LZTFL1: variants seen among roughly 807,000 people sequenced by gnomAD.
The protein encoded by LZTFL1 is leucine zipper transcription factor-like protein 1.
A neutral mutation model predicts 45.9 loss-of-function variants in LZTFL1; 25 were observed. The observed-to-expected ratio is 0.54, with a 90% CI of 0.40 to 0.76. LZTFL1 has a LOEUF of 0.76. Among genes scored for constraint, LZTFL1 ranks in the 30% least tolerant of loss-of-function variants. LZTFL1 has a pLI of 0.00. For synonymous variants in LZTFL1, 93 were observed against 117.4 expected (o/e 0.79, Z 1.35); for missense variants, 277 against 331.1 (o/e 0.84, Z 1.27).
At chr3:45,879,142 C>A (rs1438932748) in intron 2 of LZTFL1, among the ~76,000 whole-genome samples, 1 of 152,200 alleles carries the variant, frequency 6.6e-6, no homozygotes, top group African/African-American at 2.4e-5. Flanking sequence ...TATGATCTAG[C>A]AATCGTGCTT....
chr3:45,886,347 C>T (rs959129768), intron 2 of LZTFL1, among the ~76,000 whole-genome samples: 1 of 152,206 alleles, frequency 6.6e-6, no homozygotes, highest in East Asian at 1.9e-4. Context: ...TCTGTATGTG[C>T]GTCTTCAGAT....
At chr3:45,857,068 T>C (rs1701405010) in intron 3 of LZTFL1, among the ~76,000 whole-genome samples, 1 of 152,204 alleles carries the variant, frequency 6.6e-6, no homozygotes, top group Non-Finnish European at 1.5e-5. Flanking sequence ...GATACATGCA[T>C]GTGTGTATTC....
At chr3:45,868,473 C>G (rs1393078394) in intron 2 of LZTFL1, among the ~76,000 whole-genome samples, 1 of 152,128 alleles carries the variant, frequency 6.6e-6, no homozygotes, top group East Asian at 1.9e-4. Flanking sequence ...GTGAGTTACT[C>G]ACATACACAC....
chr3:45,867,777 A>G lies in LZTFL1; in HGVS notation c.-214-8761T>C, dbSNP rs576748878. 3.2e-4 allele frequency among the ~76,000 whole-genome samples: 49 copies of G among 152,106 alleles called. 1 individual carries two copies. The highest frequency in any genetic ancestry group is 6.8e-3 in the Middle Eastern group (2 of 294). ...GAGGATCACTTGAGCCTGGGAGGTC[A>G]AGGCTGCAGTGAGCTGTGATCGCAC... On this transcript the variant is annotated intron_variant, in intron 2 of 4. Coordinates refer to the LZTFL1 transcript ENST00000472635.
chr3:45,839,969 A>C (rs985610665), intron 1 of LZTFL1, among the ~76,000 whole-genome samples: 4 of 152,180 alleles, frequency 2.6e-5, no homozygotes, highest in African/African-American at 4.8e-5. Flanking sequence ...TGGTACCGTC[A>C]CAGGCTGATT....
At chr3:45,864,057 G>A (rs1701538795) in intron 2 of LZTFL1, among the ~76,000 whole-genome samples, 1 of 152,198 alleles carries the variant, frequency 6.6e-6, no homozygotes, top group South Asian at 2.1e-4. Context: ...ATAACACACA[G>A]CTGGACACTA....
chr3:45,850,731 C>T (rs1409382094), intron 4 of LZTFL1, among the ~76,000 whole-genome samples: 1 of 152,132 alleles, frequency 6.6e-6, no homozygotes, highest in East Asian at 1.9e-4. Context: ...CCTCTCCCTC[C>T]CAACACCTGT....
chr3:45,876,757 T>A (rs146366352), intron 2 of LZTFL1, among the ~76,000 whole-genome samples: 19 of 152,314 alleles, frequency 1.2e-4, no homozygotes, highest in Admixed American at 1.1e-3. Flanking sequence ...CTGGCTTAGT[T>A]CACCTGTGTC....
In LZTFL1 at chr3:45,847,918, C is replaced by A. The variant is rs540262555; in HGVS notation, c.-49+7068G>T. On this transcript the variant is annotated intron_variant, in intron 4 of 4. Coordinates refer to the LZTFL1 transcript ENST00000472635. ...ATTAAAAACCTGTTTAGGCAGCTAT[C>A]CTTTCTCTTCAATACTTTTCTTAGT... Among the ~76,000 whole-genome samples, 9 of 152,262 alleles carry A rather than the reference C, an allele frequency of 5.9e-5. No homozygotes were observed. In the East Asian group the frequency reaches 1.4e-3, roughly 23 times the overall value.
chr3:45,885,701 C>T (rs1259650103), intron 2 of LZTFL1, among the ~76,000 whole-genome samples: 1 of 152,206 alleles, frequency 6.6e-6, no homozygotes, highest in African/African-American at 2.4e-5. Flanking sequence ...CCTGGCATGA[C>T]TGAGAAACTA....
intron 5 of LZTFL1, 117 bp downstream of exon 5, chr3:45,832,933 G>T: frequency 1.4e-6 from 1 of 721,914 alleles, no homozygotes; most frequent in Non-Finnish European, 2.4e-6. Flanking sequence ...TAAAACTACT[G>T]CAATGGACTA....
chr3:45,911,355 G>T (rs1239134897), intron 2 of LZTFL1, among the ~76,000 whole-genome samples: 1 of 152,196 alleles, frequency 6.6e-6, no homozygotes. Flanking sequence ...GTAATCAAAA[G>T]AGCCAAGAGA....
At chr3:45,890,335 A>AAAT (rs367843336) in intron 2 of LZTFL1, among the ~76,000 whole-genome samples, 5,252 of 61,738 alleles carry the variant, frequency 0.085, 1,074 homozygotes, top group African/African-American at 0.17. Context: ...ATATATATAT[A>AAAT]ACATATATAT....
chr3:45,870,407 A>G (rs1382830037), intron 2 of LZTFL1, among the ~76,000 whole-genome samples: 1 of 152,228 alleles, frequency 6.6e-6, no homozygotes, highest in East Asian at 1.9e-4. Context: ...AGGTGGTAGC[A>G]CAGTGTGGCA....
At chr3:45,835,366 C>A in intron 3 of LZTFL1, 1 of 469,226 alleles carries the variant, frequency 2.1e-6, no homozygotes, top group Non-Finnish European at 3.8e-6. Flanking sequence ...TTTCATAAAT[C>A]TCGATGGCCT....
chr3:45,877,955 A>G (rs578159062), intron 2 of LZTFL1, among the ~76,000 whole-genome samples: 44 of 152,032 alleles, frequency 2.9e-4, no homozygotes, highest in African/African-American at 9.9e-4. Context: ...CATGTTGACC[A>G]GGCTGGTCTC....
Position 45,835,623 on chromosome 3 carries a change from T to G in LZTFL1, c.290A>C (p.Lys97Thr). Residue 97 changes from lysine to threonine, a missense_variant, in exon 3 of 10, where the codon AAG becomes ACG. Lys to Thr is a moderately conservative substitution (Grantham distance 78). Transcript: ENST00000296135. ...AAGTTCAGAGATGTCTGTCTGTAGC[T>G]TAAGATACCACTTCTCAGCTTGTGC... ...LFAQAEKWYL[K>T]LQTDISELEN... is the part of the protein sequence containing the mutation. 6.2e-7 allele frequency: 1 copy of G among 1,614,166 alleles called. No homozygotes were observed. The highest frequency in any genetic ancestry group is 8.5e-7 in the Non-Finnish European group (1 of 1,180,020).
At position 45,828,289 on chromosome 3, in the gene LZTFL1, T is replaced by C. The variant is rs1229759811; in HGVS notation, c.777+150A>G. The C allele has an allele frequency of 6.2e-6, 4 of 647,462 alleles. No homozygotes were observed. In the East Asian group the frequency reaches 1.0e-4, roughly 17 times the overall value. 40.1% of individuals were successfully genotyped at this position (647,462 alleles called of 1,614,324 possible). A position where few individuals can be genotyped will look rare whatever the true frequency, so the allele number is the denominator to read the frequency against. ...GAAGAATATCAGTGCCCGGAAATGA[T>C]TAATCTTTAGAACATATTGGCTAAT... On this transcript the variant is annotated intron_variant, in intron 8 of 9. Coordinates refer to ENST00000296135, the MANE Select transcript of LZTFL1 (RefSeq NM_020347.4).
rs1377569591 is a variant in LZTFL1, at chr3:45,831,077, A to G, written c.518T>C (p.Ile173Thr). 2 of 1,609,136 alleles carry G rather than the reference A, an allele frequency of 1.2e-6. No homozygotes were observed. Among genetic ancestry groups the G allele is most frequent in the East Asian group, 4.5e-5 (2 of 44,794 alleles). The change falls in exon 6 of 10, where the codon ATA becomes ACA. Residue 173 changes from isoleucine to threonine, a missense_variant. Ile to Thr is a moderately conservative substitution (Grantham distance 89). Transcript: ENST00000296135. Reference protein sequence around the residue: ...KLKSRLKTIEIQATNALDEKS... With the variant: ...KLKSRLKTIETQATNALDEKS... ...GTCAAAACATTTCTCAGTTACCTGT[A>G]TTTCAATGGTCTTCAACCTTGACTT... is the stretch of plus-strand genomic sequence containing the variant.
Sources: gnomAD v4.1 joint callset for allele counts (sites outside exome capture counted in the v4.1 genomes callset) on GRCh38, gnomAD v4.1.1 for gene constraint, MANE v1.5 for transcripts, NCBI Gene and HGNC (gene_info 2026-07-23, HGNC 2026-07-21) for gene names.